Variants in CAPN1 observed in about 807,000 individuals in gnomAD.
CAPN1 encodes the protein calpain 1, also known as calpain-1 catalytic subunit.
In CAPN1, 77 loss-of-function variants were observed where a neutral mutation model predicts 105.2. The ratio of observed to expected loss-of-function variants is 0.73; its 90% CI spans 0.61 to 0.88. The LOEUF (loss-of-function observed/expected upper bound fraction) is 0.88. Among genes scored for constraint, CAPN1 ranks in the 40% least tolerant of loss-of-function variants. CAPN1 has a pLI of 0.00. For missense variants in CAPN1, 833 were observed against 976.6 expected, an observed-to-expected ratio of 0.85 and a Z score of 1.96; for synonymous variants, 355 against 388.8, an observed-to-expected ratio of 0.91 and a Z score of 1.02.
In CAPN1 at chr11:65,208,777, C is replaced by T. The variant is rs569870281; in HGVS notation, c.1729+515C>T. 4.4e-4 allele frequency: 98 copies of T among 220,548 alleles called. No individual in the cohort carries two copies. The highest frequency in any genetic ancestry group is 2.0e-3 in the African/African-American group (88 of 43,726). The allele number at this position is 220,548 out of a possible 1,614,324, so 13.7% of individuals were successfully genotyped here. A position where few individuals can be genotyped will look rare whatever the true frequency, so the allele number is the denominator to read the frequency against. On this transcript the variant is annotated intron_variant, in intron 16 of 21. Transcript: ENST00000279247. This position sits in a 1 kb window ranked among gnomAD's most constrained non-coding sequence, Gnocchi z 4.1. ...CCTGGGCAACAGAGCAAGACCCTGT[C>T]TCAAAAAAAAAAGCAGGAGCAGCAC...
chr11:65,183,253 C>A, intron 3 of CAPN1, 56 bp downstream of exon 3: 1 of 1,515,336 alleles, frequency 6.6e-7, no homozygotes, highest in Non-Finnish European at 9.2e-7. Flanking sequence ...TTCCCCATTC[C>A]CGCTCCTTCA....
In CAPN1 at chr11:65,211,575, C is replaced by T. The variant is rs187717697; in HGVS notation, c.*289C>T. The stretch of plus-strand genomic sequence containing the variant: ...GCTTGTTCCTGCCTCGGGACAGCCC[C>T]GGGTTTCCCCAGCATCCTGATGTGT... On this transcript the variant is annotated 3_prime_UTR_variant, in exon 22 of 22. Coordinates refer to ENST00000279247, the MANE Select transcript of CAPN1 (RefSeq NM_005186.4). The T allele has an allele frequency of 6.6e-5, 37 of 556,538 alleles. No homozygotes were observed. Among genetic ancestry groups the T allele is most frequent in the African/African-American group, 4.5e-4 (24 of 53,228 alleles). The allele number at this position is 556,538 out of a possible 1,614,324, so 34.5% of individuals were successfully genotyped here.
chr11:65,189,484 C>T (rs1208745095), intron 10 of CAPN1, among the ~76,000 whole-genome samples: 1 of 152,170 alleles, frequency 6.6e-6, no homozygotes, highest in Non-Finnish European at 1.5e-5. Context: ...CCTTGTCTTG[C>T]AAACACCCGC....
rs1304852076 is a variant in CAPN1, at chr11:65,186,069, G to A, written c.590+19G>A. On this transcript the variant is annotated intron_variant, in intron 5 of 21. Transcript: ENST00000279247. ...ATGCCAAGTGAGTAGCGGCTGAGGGGGCAACTCCAGCTTCCAGCTCCCCCT... is the reference window on the plus strand; with the variant it reads ...ATGCCAAGTGAGTAGCGGCTGAGGGAGCAACTCCAGCTTCCAGCTCCCCCT... The A allele has an allele frequency of 6.2e-7, 1 of 1,609,912 alleles. No individual in the cohort carries two copies. Among genetic ancestry groups the A allele is most frequent in the South Asian group, 1.1e-5 (1 of 90,456 alleles).
intron 10 of CAPN1, among the ~76,000 whole-genome samples, chr11:65,193,200 C>T (rs192227650): frequency 1.4e-5 from 2 of 141,250 alleles, no homozygotes; most frequent in Admixed American, 7.2e-5. Context: ...ACCATGGTCT[C>T]GATCATCTGA....
chr11:65,183,479 T>C lies in CAPN1; in HGVS notation c.343T>C (p.Cys115Arg). Residue 115 changes from cysteine (C) to arginine (R), a missense_variant, in exon 4 of 22, where the codon TGC (cysteine) becomes CGC (arginine). Coordinates refer to ENST00000279247, the MANE Select transcript of CAPN1 (RefSeq NM_005186.4). ...GTGCATCCCTCCTGCCCCAGGGGAC[T>C]GCTGGCTCTTGGCGGCCATCGCCTC... Reference protein sequence around the residue: ...TDICQGALGDCWLLAAIASLT... With the variant: ...TDICQGALGDRWLLAAIASLT... 1 of 1,612,396 alleles carries C rather than the reference T, an allele frequency of 6.2e-7. No homozygotes were observed. The highest frequency in any genetic ancestry group is 2.2e-5 in the East Asian group (1 of 44,870).
rs988855833 is a variant in CAPN1 at position 65,182,928 on chromosome 11, A to G, written c.227A>G (p.Asn76Ser). ...QSLGYKDLGP[N>S]SSKTYGIKWK... is the part of the protein sequence containing the mutation. ...CTGGGTTACAAGGACCTGGGTCCCA[A>G]TTCCTCCAAGACCTATGGCATCAAG... Residue 76 changes from asparagine (N) to serine (S), a missense_variant, in exon 2 of 22, where the codon AAT (asparagine) becomes AGT (serine). By Grantham distance (46) the Asn-to-Ser change is conservative (BLOSUM62 1). Transcript: ENST00000279247. 5.0e-6 allele frequency: 8 copies of G among 1,612,710 alleles called. No individual in the cohort carries two copies. Among genetic ancestry groups the G allele is most frequent in the Non-Finnish European group, 6.8e-6 (8 of 1,179,404 alleles).
chr11:65,208,168 T>G lies in CAPN1; in HGVS notation c.1672-37T>G. 6.3e-7 allele frequency: 1 copy of G among 1,591,580 alleles called. No homozygotes were observed. The highest frequency in any genetic ancestry group is 2.3e-5 in the East Asian group (1 of 43,944). ...GGGAGGGGCCTGTGAGGGGCAGCCC[T>G]CTCCTGGGGCAGGTGCCACCTCCTC... On this transcript the variant is annotated intron_variant, in intron 15 of 21. Coordinates refer to ENST00000279247, the MANE Select transcript of CAPN1 (RefSeq NM_005186.4). This position sits in a 1 kb window ranked among gnomAD's most constrained non-coding sequence, Gnocchi z 4.1.
chr11:65,190,364 G>C (rs752648714), intron 10 of CAPN1, among the ~76,000 whole-genome samples: 8 of 152,170 alleles, frequency 5.3e-5, no homozygotes, highest in Non-Finnish European at 8.8e-5. Flanking sequence ...CCGCTGCTCT[G>C]TCCTCCTGTG....
At chr11:65,207,282 C>T (rs1453220013) in intron 14 of CAPN1, among the ~76,000 whole-genome samples, 1 of 150,686 alleles carries the variant, frequency 6.6e-6, no homozygotes, top group Non-Finnish European at 1.5e-5. Context: ...TCACTGCAAC[C>T]TCCGTCTCCT....
At chr11:65,200,696 A>T (rs1414362873) in intron 10 of CAPN1, among the ~76,000 whole-genome samples, 1 of 151,986 alleles carries the variant, frequency 6.6e-6, no homozygotes, top group East Asian at 1.9e-4. Flanking sequence ...GTTGGAGTGC[A>T]GTGGTGCAAT....
chr11:65,182,814 T>C lies in CAPN1; in HGVS notation c.113T>C (p.Leu38Pro). Residue 38 changes from leucine to proline, a missense_variant, in exon 2 of 22, where the codon CTG becomes CCG. Coordinates refer to ENST00000279247, the MANE Select transcript of CAPN1 (RefSeq NM_005186.4). Reference sequence around the variant, plus strand: ...CGCCATGAGAATGCCATCAAGTACCTGGGCCAGGATTATGAGCAGCTGCGG... The same window carrying C: ...CGCCATGAGAATGCCATCAAGTACCCGGGCCAGGATTATGAGCAGCTGCGG... ...LGRHENAIKY[L>P]GQDYEQLRVR... is the part of the protein sequence containing the mutation. 1.3e-6 allele frequency: 2 copies of C among 1,591,666 alleles called. No individual in the cohort carries two copies. The highest frequency in any genetic ancestry group is 3.3e-4 in the Middle Eastern group (2 of 6,038).
In CAPN1 at chr11:65,188,206, C is replaced by T. The variant is rs776338577; in HGVS notation, c.929+166C>T. On this transcript the variant is annotated intron_variant, in intron 8 of 21. Transcript: ENST00000279247. The surrounding 1 kb of genome is among the most constrained non-coding windows in gnomAD (Gnocchi z 5.5). ...CTGCTCTGACAAAGCTCAGGCCGTGCGGGCCCCTGTGCCCAGCCGTCGGGT... is the reference window on the plus strand; with the variant it reads ...CTGCTCTGACAAAGCTCAGGCCGTGTGGGCCCCTGTGCCCAGCCGTCGGGT... 3.9e-5 allele frequency: 27 copies of T among 689,042 alleles called. No individual in the cohort carries two copies. The highest frequency in any genetic ancestry group is 2.1e-4 in the South Asian group (11 of 52,552). The allele number at this position is 689,042 out of a possible 1,614,324, so 42.7% of individuals were successfully genotyped here. A position where few individuals can be genotyped will look rare whatever the true frequency, so the allele number is the denominator to read the frequency against.
At chr11:65,193,337 T>C (rs1192049236) in intron 10 of CAPN1, among the ~76,000 whole-genome samples, 1 of 152,002 alleles carries the variant, frequency 6.6e-6, no homozygotes, top group African/African-American at 2.4e-5. Context: ...ATGCATGGGA[T>C]TGCTCATTTG....
chr11:65,184,132 C>A (rs1275165836), intron 4 of CAPN1, among the ~76,000 whole-genome samples: 1 of 152,174 alleles, frequency 6.6e-6, no homozygotes, highest in East Asian at 1.9e-4. Context: ...TTGGGAGGGA[C>A]ATGCCCAGCA....
intron 10 of CAPN1, among the ~76,000 whole-genome samples, chr11:65,193,527 C>T (rs1378364875): frequency 2.0e-5 from 3 of 150,564 alleles, no homozygotes; most frequent in Non-Finnish European, 4.4e-5. Context: ...TGCCTGTGGT[C>T]CCAGCTGCTT....
chr11:65,205,054 C>T (rs1201361153), intron 11 of CAPN1, among the ~76,000 whole-genome samples, 196 bp downstream of exon 11: 1 of 152,194 alleles, frequency 6.6e-6, no homozygotes, highest in African/African-American at 2.4e-5. Context: ...GGCCCTCTGG[C>T]CGAAAGAGAG....
rs1170840728 is a variant in CAPN1, at chr11:65,188,668, A to C, written c.1087A>C (p.Ile363Leu). 8 of 1,613,782 alleles carry C rather than the reference A, an allele frequency of 5.0e-6. No individual in the cohort carries two copies. Among genetic ancestry groups the C allele is most frequent in the Non-Finnish European group, 6.8e-6 (8 of 1,179,802 alleles). Reference protein sequence around the residue: ...LTPDALKSRTIRKWNTTLYEG... With the variant: ...LTPDALKSRTLRKWNTTLYEG... ...ACCCGACGCCCTCAAGAGCCGGACC[A>C]TCCGCAAATGGAACACCACACTCTA... The change falls in exon 10 of 22, where the codon ATC becomes CTC. Residue 363 changes from isoleucine (I) to leucine (L), a missense_variant. Transcript: ENST00000279247. The surrounding 1 kb of genome is among the most constrained non-coding windows in gnomAD (Gnocchi z 5.5).
intron 10 of CAPN1, among the ~76,000 whole-genome samples, chr11:65,203,167 G>A (rs973739292): frequency 6.7e-6 from 1 of 150,360 alleles, no homozygotes. Context: ...CCACTCAGCT[G>A]TTATAAATAA....
Sources: allele counts gnomAD v4.1 joint callset (sites outside exome capture counted in the v4.1 genomes callset), GRCh38; gene constraint gnomAD v4.1.1; non-coding constraint Gnocchi (gnomAD v3.1); transcripts MANE v1.5; gene names NCBI Gene and HGNC (gene_info 2026-07-23, HGNC 2026-07-21).